Variants in ATP2A2 observed in about 807,000 individuals in gnomAD.
ATP2A2 encodes the protein sarcoplasmic/endoplasmic reticulum calcium ATPase 2.
Under a neutral mutation model 109.3 loss-of-function variants are expected in ATP2A2, and 14 were observed. The ratio of observed to expected loss-of-function variants is 0.13; its 90% CI spans 0.08 to 0.20. The LOEUF is 0.20. ATP2A2 is among the 10% of genes least tolerant of loss of function. ATP2A2 has a pLI of 1.00. For synonymous variants in ATP2A2, 506 were observed against 490.9 expected (o/e 1.03, Z -0.41); for missense variants, 657 against 1,321.6 (o/e 0.50, Z 7.80).
intron 5 of ATP2A2, among the ~76,000 whole-genome samples, chr12:110,319,882 C>T (rs1386918558): frequency 2.0e-5 from 3 of 151,944 alleles, no homozygotes; most frequent in Admixed American, 2.0e-4. Context: ...AGATCAGAAA[C>T]TTTTTGAGCA....
intron 11 of ATP2A2, among the ~76,000 whole-genome samples, chr12:110,334,830 C>T (rs966062325): frequency 2.6e-5 from 4 of 152,206 alleles, no homozygotes; most frequent in African/African-American, 9.6e-5. Flanking sequence ...TCAGGTGATC[C>T]GCCCACCTCG....
chr12:110,349,346 C>G lies in ATP2A2; in HGVS notation c.*2876C>G, dbSNP rs1464054810. The G allele has an allele frequency of 4.1e-6, 4 of 985,398 alleles. No homozygotes were observed. Among genetic ancestry groups the G allele is most frequent in the Non-Finnish European group, 4.8e-6 (4 of 830,004 alleles). The allele number at this position is 985,398 out of a possible 1,614,324, so 61.0% of individuals were successfully genotyped here. The stretch of plus-strand genomic sequence containing the variant: ...GGCAGCTCTTGCCTGAAACTTACTT[C>G]CACATTCTTTCCTGATGGGCAGGTG... On this transcript the variant is annotated 3_prime_UTR_variant, in exon 20 of 20. Coordinates refer to ENST00000539276, the MANE Select transcript of ATP2A2 (RefSeq NM_170665.4).
intron 6 of ATP2A2, among the ~76,000 whole-genome samples, chr12:110,324,862 T>C (rs1356821140): frequency 6.7e-6 from 1 of 150,172 alleles, no homozygotes; most frequent in Non-Finnish European, 1.5e-5. Context: ...AGAGTTGCAC[T>C]CTGTGGCCCA....
intron 5 of ATP2A2, among the ~76,000 whole-genome samples, chr12:110,311,729 G>A (rs554362674): frequency 3.5e-5 from 4 of 114,992 alleles, no homozygotes; most frequent in Non-Finnish European, 6.9e-5. Context: ...AAAGAGAATT[G>A]TTTAAAAAAA....
At chr12:110,301,115 C>T (rs1020808015) in intron 5 of ATP2A2, among the ~76,000 whole-genome samples, 2 of 152,000 alleles carry the variant, frequency 1.3e-5, no homozygotes, top group African/African-American at 4.8e-5. Flanking sequence ...GATCCTCTTG[C>T]CTTGGCCTCC....
rs575251215 is a variant in ATP2A2, at chr12:110,302,475, T to C, written c.463+5738T>C. ...TAGATAGTGCTGATTCTGGTAGTTA[T>C]TTACCACTTTTTTTCCCCAGCTCTT... On this transcript the variant is annotated intron_variant, in intron 5 of 19. Coordinates refer to ENST00000539276, the MANE Select transcript of ATP2A2 (RefSeq NM_170665.4). Among the ~76,000 whole-genome samples, 7 of 152,302 alleles carry C rather than the reference T, an allele frequency of 4.6e-5. 1 individual carries two copies. The highest frequency in any genetic ancestry group is 1.0e-4 in the Non-Finnish European group (7 of 68,032).
chr12:110,282,376 A>G (rs756694877), intron 1 of ATP2A2, among the ~76,000 whole-genome samples: 5 of 152,274 alleles, frequency 3.3e-5, no homozygotes, highest in African/African-American at 2.4e-5. Flanking sequence ...TTAGGGCTAG[A>G]CCTCAGGCCA....
rs1182516798 is a variant in ATP2A2, at chr12:110,349,508, G to A, written c.*3038G>A. 1 of 986,044 alleles carries A rather than the reference G, an allele frequency of 1.0e-6. No homozygotes were observed. Among genetic ancestry groups the A allele is most frequent in the Non-Finnish European group, 1.2e-6 (1 of 830,394 alleles). The allele number at this position is 986,044 out of a possible 1,614,324, so 61.1% of individuals were successfully genotyped here. A position where few individuals can be genotyped will look rare whatever the true frequency, so the allele number is the denominator to read the frequency against. ...CTGCAGAATGCAGATGATCCATTCTGGAGGAAGCTGTCCCTTGAGCTCAGT... is the reference window on the plus strand; with the variant it reads ...CTGCAGAATGCAGATGATCCATTCTAGAGGAAGCTGTCCCTTGAGCTCAGT... On this transcript the variant is annotated 3_prime_UTR_variant, in exon 20 of 20. Coordinates refer to ENST00000539276, the MANE Select transcript of ATP2A2 (RefSeq NM_170665.4).
At chr12:110,285,057 T>C (rs1872530348) in intron 3 of ATP2A2, among the ~76,000 whole-genome samples, 1 of 152,232 alleles carries the variant, frequency 6.6e-6, no homozygotes, top group Admixed American at 6.5e-5. Context: ...TTTGGAGAAG[T>C]GACTAGGCGA....
chr12:110,350,556 T>G lies in ATP2A2; in HGVS notation c.*4086T>G. 1 of 603,212 alleles carries G rather than the reference T, an allele frequency of 1.7e-6. No individual in the cohort carries two copies. Among genetic ancestry groups the G allele is most frequent in the Non-Finnish European group, 2.8e-6 (1 of 353,982 alleles). 37.4% of individuals were successfully genotyped at this position (603,212 alleles called of 1,614,324 possible). A position where few individuals can be genotyped will look rare whatever the true frequency, so the allele number is the denominator to read the frequency against. ...GAAAGCCTCTCCAGAGAAGTTTGGT[T>G]TCTTTGCTGCAAGAGGAATGAGGCT... On this transcript the variant is annotated 3_prime_UTR_variant, in exon 20 of 20. Transcript: ENST00000539276.
chr12:110,334,753 A>C (rs1293113722), intron 11 of ATP2A2, among the ~76,000 whole-genome samples: 3 of 151,812 alleles, frequency 2.0e-5, no homozygotes, highest in Non-Finnish European at 2.9e-5. Context: ...ACGCCTGGCT[A>C]ATTTTTTGTA....
intron 5 of ATP2A2, among the ~76,000 whole-genome samples, chr12:110,305,246 A>G (rs1875153517): frequency 6.6e-6 from 1 of 152,112 alleles, no homozygotes; most frequent in Non-Finnish European, 1.5e-5. Context: ...GGAAAAAAAC[A>G]CTTTTAAATT....
At position 110,347,790 on chromosome 12, in the gene ATP2A2, A is replaced by C; in HGVS notation, c.*1320A>C. On this transcript the variant is annotated 3_prime_UTR_variant, in exon 20 of 20. Coordinates refer to ENST00000539276, the MANE Select transcript of ATP2A2 (RefSeq NM_170665.4). The stretch of plus-strand genomic sequence containing the variant: ...AATGCCTTCCAACATCCATCAACTA[A>C]CGTGAGTATTTTCTTCCTGGGATTT... 2 of 1,050,836 alleles carry C rather than the reference A, an allele frequency of 1.9e-6. No homozygotes were observed. Among genetic ancestry groups the C allele is most frequent in the Non-Finnish European group, 2.3e-6 (2 of 868,446 alleles). The allele number at this position is 1,050,836 out of a possible 1,614,324, so 65.1% of individuals were successfully genotyped here. A position where few individuals can be genotyped will look rare whatever the true frequency, so the allele number is the denominator to read the frequency against.
intron 5 of ATP2A2, among the ~76,000 whole-genome samples, chr12:110,321,259 G>A (rs1487515437): frequency 6.6e-6 from 1 of 152,064 alleles, no homozygotes; most frequent in African/African-American, 2.4e-5. Flanking sequence ...GAAATTCAAT[G>A]TTTACTTCTT....
chr12:110,304,511 G>A (rs1875047454), intron 5 of ATP2A2, among the ~76,000 whole-genome samples: 1 of 152,102 alleles, frequency 6.6e-6, no homozygotes, highest in African/African-American at 2.4e-5. Context: ...TGGTTTTGAC[G>A]TCCGTTTCCC....
At chr12:110,328,225 A>G (rs1202635377) in intron 8 of ATP2A2, among the ~76,000 whole-genome samples, 2 of 152,052 alleles carry the variant, frequency 1.3e-5, no homozygotes, top group South Asian at 2.1e-4. Context: ...TATGGCTGAT[A>G]TACTTGTATT....
In ATP2A2 at chr12:110,350,337, G is replaced by C. The variant is rs1880286901; in HGVS notation, c.*3867G>C. The C allele has an allele frequency of 6.2e-7, 1 of 1,614,030 alleles. No individual in the cohort carries two copies. Among genetic ancestry groups the C allele is most frequent in the African/African-American group, 1.3e-5 (1 of 74,904 alleles). ...CCTAAACCATTTTGCAGAAATGTAA[G>C]GGTGTTCGGTTGCGTGCATGTGCGT... On this transcript the variant is annotated 3_prime_UTR_variant, in exon 20 of 20. Transcript: ENST00000539276.
chr12:110,343,580 A>C, intron 16 of ATP2A2, 146 bp downstream of exon 16: 1 of 942,502 alleles, frequency 1.1e-6, no homozygotes, highest in Non-Finnish European at 1.6e-6. Context: ...CAGTTCGATG[A>C]ACTATACATC....
intron 16 of ATP2A2, among the ~76,000 whole-genome samples, chr12:110,344,610 A>G (rs995635287): frequency 2.0e-5 from 3 of 152,224 alleles, no homozygotes; most frequent in Non-Finnish European, 2.9e-5. Context: ...GCAAGGGGAA[A>G]GGTTGGCACA....
Sources: gnomAD v4.1 joint callset for allele counts (sites outside exome capture counted in the v4.1 genomes callset) on GRCh38, gnomAD v4.1.1 for gene constraint, MANE v1.5 for transcripts, NCBI Gene and HGNC (gene_info 2026-07-23, HGNC 2026-07-21) for gene names.